MADD: variants seen among roughly 807,000 people sequenced by gnomAD.
MADD encodes MAP kinase activating death domain.
Under a neutral mutation model 176.7 loss-of-function variants are expected in MADD, and 109 were observed. The observed-to-expected ratio is 0.62, with a 90% CI of 0.53 to 0.72. The LOEUF is 0.72. Ranked by LOEUF, MADD falls within the 30% of genes least tolerant of loss-of-function variation. The probability of loss-of-function intolerance (pLI) is 0.00; values close to 1 mark genes in which losing one functional copy is unlikely to be tolerated. For missense variants in MADD, 1,914 were observed against 2,045.5 expected (o/e 0.94, Z 1.24); for synonymous variants, 771 against 771.3 (o/e 1.00, Z 0.01).
At chr11:47,277,764 G>A (rs2051729272) in intron 5 of MADD, among the ~76,000 whole-genome samples, 1 of 152,188 alleles carries the variant, frequency 6.6e-6, no homozygotes, top group Admixed American at 6.5e-5. Context: ...GGACACAGGG[G>A]TGATTCATGT....
At chr11:47,280,504 G>A (rs2136985759) in intron 7 of MADD, among the ~76,000 whole-genome samples, 1 of 152,168 alleles carries the variant, frequency 6.6e-6, no homozygotes, top group African/African-American at 2.4e-5. Context: ...GATTGCTTTA[G>A]TATGACTAAT....
At position 47,289,028 on chromosome 11, in the gene MADD, G is replaced by A. The variant is rs770283757; in HGVS notation, c.2654-363G>A. The A allele has an allele frequency of 6.3e-7, 1 of 1,593,368 alleles. No homozygotes were observed. The highest frequency in any genetic ancestry group is 8.5e-7 in the Non-Finnish European group (1 of 1,174,602). ...GAAGCCGGCCCCGGGAGTGGTGAAG[G>A]TGGGTCTTGCCTGTGAGCTGTGCAT... is the stretch of plus-strand genomic sequence containing the variant. On this transcript the variant is annotated intron_variant, in intron 15 of 32. Coordinates refer to ENST00000402192, the Ensembl canonical transcript of MADD.
At chr11:47,297,541 G>T (rs2073700345) in intron 22 of MADD, among the ~76,000 whole-genome samples, 1 of 151,310 alleles carries the variant, frequency 6.6e-6, no homozygotes, top group South Asian at 2.1e-4. Flanking sequence ...CCGCCTCCTG[G>T]GTTCACACTC....
chr11:47,284,510 G>T (rs1238676208), exon 12 of MADD: 1 of 1,614,110 alleles, frequency 6.2e-7, no homozygotes, highest in Admixed American at 1.7e-5. Flanking sequence ...CTGCGCTCCA[G>T]CTCTAGCACC....
intron 27 of MADD, among the ~76,000 whole-genome samples, chr11:47,321,809 A>G (rs2094518432): frequency 6.6e-6 from 1 of 152,154 alleles, no homozygotes; most frequent in Admixed American, 6.5e-5. Flanking sequence ...TCTTCATTTC[A>G]GGCTGGGGCA....
At chr11:47,281,850 C>CTTTTTTTTTCT in intron 8 of MADD, 97 bp downstream of exon 8, 1 of 328,342 alleles carries the variant, frequency 3.0e-6, no homozygotes, top group African/African-American at 3.0e-5. Flanking sequence ...ACCAGGGTTC[C>CTTTTTTTTTCT]TTTTTTTTTT....
intron 31 of MADD, chr11:47,327,126 G>T: frequency 9.3e-7 from 1 of 1,080,878 alleles, no homozygotes; most frequent in South Asian, 3.4e-5. Flanking sequence ...GGACACAGCA[G>T]ACTGGCGACC....
chr11:47,309,559 C>T (rs751185365), exon 25 of MADD: 53 of 1,614,146 alleles, frequency 3.3e-5, no homozygotes, highest in African/African-American at 5.3e-5. Flanking sequence ...TGATGAAGAT[C>T]GCTTGTTGGC....
At chr11:47,279,594 T>C (rs1448412724) in intron 7 of MADD, among the ~76,000 whole-genome samples, 1 of 151,842 alleles carries the variant, frequency 6.6e-6, no homozygotes, top group South Asian at 2.1e-4. Context: ...TTAGCCAGGA[T>C]GGCCTCTATC....
Position 47,278,100 on chromosome 11 carries a change from C to G in MADD, c.1096-65C>G, listed in dbSNP as rs565814916. The G allele has an allele frequency of 1.0e-5, 11 of 1,064,996 alleles. No homozygotes were observed. In the East Asian group the frequency reaches 2.6e-4, roughly 25 times the overall value. 66.0% of individuals were successfully genotyped at this position (1,064,996 alleles called of 1,614,324 possible). ...CTGCATTTCCTTATCTAGAAGAATC[C>G]AGACTTGATAAGTGCTCATGATAGG... On this transcript the variant is annotated intron_variant, in intron 5 of 32. Transcript: ENST00000402192.
intron 27 of MADD, 102 bp from the exon 31 acceptor site, chr11:47,323,569 T>C: frequency 7.9e-7 from 1 of 1,268,770 alleles, no homozygotes; most frequent in South Asian, 1.4e-5. Flanking sequence ...GCAGAAAACC[T>C]GACCATGGGG....
intron 22 of MADD, among the ~76,000 whole-genome samples, chr11:47,304,521 C>T (rs1020189025): frequency 3.3e-5 from 5 of 152,158 alleles, no homozygotes; most frequent in Admixed American, 1.3e-4. Flanking sequence ...TGAGCCCCCA[C>T]GCCTGGCCCT....
intron 1 of MADD, among the ~76,000 whole-genome samples, chr11:47,273,578 G>T (rs1405268626): frequency 6.6e-6 from 1 of 152,182 alleles, no homozygotes; most frequent in Non-Finnish European, 1.5e-5. Flanking sequence ...GACCTCAGGT[G>T]ATCCGCCTCG....
At chr11:47,270,358 C>G (rs1591344775) in intron 1 of MADD, 112 bp downstream of exon 1, 1 of 145,406 alleles carries the variant, frequency 6.9e-6, no homozygotes, top group African/African-American at 2.5e-5. Flanking sequence ...CTCAGGAGGC[C>G]CTGGGGGAGT....
In MADD at chr11:47,279,156, G is replaced by A. The variant is rs538727279; in HGVS notation, c.1290+77G>A. ...CTATAAGAAGACAGCTATTCTCAGA[G>A]CCAATTTCCTATCAAACTTCAAGTG... is the stretch of plus-strand genomic sequence containing the variant. On this transcript the variant is annotated intron_variant, in intron 7 of 32. Coordinates refer to ENST00000402192, the Ensembl canonical transcript of MADD. 2.2e-6 allele frequency: 3 copies of A among 1,384,268 alleles called. No individual in the cohort carries two copies. In the South Asian group the frequency reaches 3.6e-5, roughly 17 times the overall value. The allele number at this position is 1,384,268 out of a possible 1,614,324, so 85.7% of individuals were successfully genotyped here.
At chr11:47,316,833 C>T (rs7109147) in intron 27 of MADD, among the ~76,000 whole-genome samples, 61,183 of 151,588 alleles carry the variant, frequency 0.4, 13,350 homozygotes, top group East Asian at 0.69. Flanking sequence ...AACCTCTGCC[C>T]CTTGGGTTCA....
chr11:47,308,943 C>T (rs2085541455), intron 23 of MADD, 37 bp from the exon 26 acceptor site: 2 of 1,590,364 alleles, frequency 1.3e-6, no homozygotes, highest in Non-Finnish European at 1.7e-6. Context: ...TCTTTCCTTT[C>T]TTGCTACCAT....
chr11:47,324,518 GA>G lies in MADD; in HGVS notation c.4484del (p.Glu1495GlyfsTer7), dbSNP rs1396049083. 2 of 1,614,176 alleles carry G rather than the reference GA, an allele frequency of 1.2e-6. No homozygotes were observed. The highest frequency in any genetic ancestry group is 1.7e-6 in the Non-Finnish European group (2 of 1,180,038). On this transcript the variant is annotated frameshift_variant, in exon 30 of 33. Transcript: ENST00000402192. LOFTEE classifies it high-confidence loss of function. ...CCCTGTGCAGGACCTGAAGACTGGT[GA>G]GGGTGGCCTGCTGCAGGTGACCCTG... is the stretch of plus-strand genomic sequence containing the variant.
chr11:47,275,963 C>G (rs753035312), exon 4 of MADD: 1 of 1,614,148 alleles, frequency 6.2e-7, no homozygotes, highest in Non-Finnish European at 8.5e-7. Flanking sequence ...TGCCCTTCTG[C>G]ATGACCTTCG....
Sources: allele counts gnomAD v4.1 joint callset (sites outside exome capture counted in the v4.1 genomes callset), GRCh38; gene constraint gnomAD v4.1.1; transcripts MANE v1.5; gene names NCBI Gene and HGNC (gene_info 2026-07-23, HGNC 2026-07-21).